RERG: variants seen among roughly 807,000 people sequenced by gnomAD.
RERG encodes ras-related and estrogen-regulated growth inhibitor.
In RERG, 25 loss-of-function variants were observed where a neutral mutation model predicts 23.2. That is an observed-to-expected ratio of 1.08 (90% CI 0.79 to 1.50). The LOEUF (loss-of-function observed/expected upper bound fraction) is 1.50. Among genes scored for constraint, RERG ranks in the 40% most tolerant of loss-of-function variants. The pLI is 0.00. For missense variants in RERG, 253 were observed against 250.1 expected (o/e 1.01, Z -0.08); for synonymous variants, 81 against 89.1 (o/e 0.91, Z 0.51).
rs765946906 is a variant in RERG, at chr12:15,133,146, G to GAGAT, written c.62-12028_62-12027insATCT. ...CTCTTGGGGTTGTATATCCTGTGGA[G>GAGAT]ATATATATATATATATATATATATA... On this transcript the variant is annotated intron_variant, in intron 2 of 4. Coordinates refer to ENST00000256953, the MANE Select transcript of RERG (RefSeq NM_032918.3). 8.0e-5 allele frequency among the ~76,000 whole-genome samples: 10 copies of GAGAT among 125,218 alleles called. No homozygotes were observed. The East Asian group carries it at 9.3e-4, about 12-fold the overall frequency. The allele number at this position is 125,218 out of a possible 152,430, so 82.1% of individuals were successfully genotyped here.
chr12:15,199,216 G>A (rs1356227063), intron 2 of RERG, among the ~76,000 whole-genome samples: 1 of 152,134 alleles, frequency 6.6e-6, no homozygotes, highest in Non-Finnish European at 1.5e-5. Context: ...AGGCATGGGT[G>A]AAGCTCAAAT....
At chr12:15,161,756 T>A (rs956726375) in intron 2 of RERG, among the ~76,000 whole-genome samples, 2 of 152,154 alleles carry the variant, frequency 1.3e-5, no homozygotes, top group Non-Finnish European at 2.9e-5. Flanking sequence ...AAGGAATCAA[T>A]ACTACCAATA....
At chr12:15,116,220 A>C (rs948205716) in intron 3 of RERG, among the ~76,000 whole-genome samples, 4 of 152,228 alleles carry the variant, frequency 2.6e-5, no homozygotes, top group African/African-American at 9.6e-5. Flanking sequence ...TGCATCACGC[A>C]TGCTGGGGAG....
intron 3 of RERG, among the ~76,000 whole-genome samples, chr12:15,118,662 A>G (rs765293142): frequency 2.0e-5 from 3 of 151,906 alleles, no homozygotes; most frequent in African/African-American, 4.8e-5. Flanking sequence ...TGTCATCACA[A>G]TAGTGAGTTC....
At chr12:15,147,327 A>G (rs1864352264) in intron 2 of RERG, among the ~76,000 whole-genome samples, 1 of 152,216 alleles carries the variant, frequency 6.6e-6, no homozygotes, top group South Asian at 2.1e-4. Context: ...ATTTGCTTTC[A>G]GCAAAAAAAC....
At chr12:15,152,710 T>C (rs1037764067) in intron 2 of RERG, among the ~76,000 whole-genome samples, 1 of 152,140 alleles carries the variant, frequency 6.6e-6, no homozygotes, top group African/African-American at 2.4e-5. Flanking sequence ...TCTGAAGAAA[T>C]GTATTTTTAA....
Position 15,214,990 on chromosome 12 carries a change from T to G in RERG, c.61+2439A>C, listed in dbSNP as rs184162003. ...AGTTACAGGTCTCAGAAAAATAATT[T>G]AATGTTGACATAGGAAAACACTGTC... On this transcript the variant is annotated intron_variant, in intron 2 of 4. Transcript: ENST00000256953. 5.7e-4 allele frequency among the ~76,000 whole-genome samples: 87 copies of G among 152,346 alleles called. 1 individual carries two copies. In the East Asian group the frequency reaches 0.014, roughly 25 times the overall value.
At chr12:15,152,051 G>T (rs528013440) in intron 2 of RERG, 1 of 152,238 alleles carries the variant, frequency 6.6e-6, no homozygotes, top group South Asian at 2.1e-4. Flanking sequence ...AAATAACCCA[G>T]GAACTATAAA....
chr12:15,112,229 T>C (rs781603245), intron 3 of RERG: 4 of 152,214 alleles, frequency 2.6e-5, no homozygotes, highest in Non-Finnish European at 5.9e-5. Context: ...AGGAAGTGAA[T>C]GGTTCTTGCC....
At chr12:15,149,799 A>G (rs1032828973) in intron 2 of RERG, among the ~76,000 whole-genome samples, 2 of 152,234 alleles carry the variant, frequency 1.3e-5, no homozygotes, top group Admixed American at 6.5e-5. Context: ...GGTAGAAAAT[A>G]AAATACTTTA....
chr12:15,110,463 CTTTTTT>C (rs869218147), intron 4 of RERG, among the ~76,000 whole-genome samples: 19 of 73,148 alleles, frequency 2.6e-4, no homozygotes, highest in Non-Finnish European at 3.4e-4. Context: ...CCATTTTTTT[CTTTTTT>C]TTTTTTTTTT....
chr12:15,117,288 A>T (rs1026449688), intron 3 of RERG, among the ~76,000 whole-genome samples: 8 of 152,108 alleles, frequency 5.3e-5, no homozygotes, highest in Non-Finnish European at 8.8e-5. Context: ...CTGGACATGT[A>T]ATTTTGATTA....
intron 2 of RERG, among the ~76,000 whole-genome samples, chr12:15,161,092 G>A (rs549674327): frequency 6.7e-6 from 1 of 149,920 alleles, no homozygotes; most frequent in African/African-American, 2.5e-5. Flanking sequence ...CTGAGATCAC[G>A]CCATTGCACT....
chr12:15,148,847 G>GTTTTTTTT (rs56033971), intron 2 of RERG, among the ~76,000 whole-genome samples: 5 of 45,530 alleles, frequency 1.1e-4, no homozygotes, highest in Non-Finnish European at 1.5e-4. Flanking sequence ...CTTTAACTCT[G>GTTTTTTTT]TTTTTTTTTT....
chr12:15,218,494 T>A (rs1040152549), intron 1 of RERG, among the ~76,000 whole-genome samples: 1 of 152,096 alleles, frequency 6.6e-6, no homozygotes, highest in Non-Finnish European at 1.5e-5. Context: ...ATAACAATCA[T>A]TCCATATTCC....
chr12:15,210,820 G>A (rs1440639195), intron 2 of RERG, among the ~76,000 whole-genome samples: 2 of 152,096 alleles, frequency 1.3e-5, no homozygotes, highest in Admixed American at 1.3e-4. Context: ...GTCTTTGCAG[G>A]TAAAGGAAGA....
chr12:15,191,161 C>G (rs1591664422), intron 2 of RERG, among the ~76,000 whole-genome samples: 1 of 152,270 alleles, frequency 6.6e-6, no homozygotes, highest in East Asian at 1.9e-4. Context: ...GTCACACCCA[C>G]ACAAGGATCA....
At position 15,194,473 on chromosome 12, in the gene RERG, A is replaced by T. The variant is rs1391663233; in HGVS notation, c.61+22956T>A. Among the ~76,000 whole-genome samples the T allele has an allele frequency of 5.4e-5, 8 of 148,238 alleles. No individual in the cohort carries two copies. The East Asian group carries it at 1.4e-3, about 26-fold the overall frequency. On this transcript the variant is annotated intron_variant, in intron 2 of 4. Transcript: ENST00000256953. ...TATTAGACTGAATGTTTTTAACTTA[A>T]AAAACAAAGAAGAGGAAGAAGGAGC...
chr12:15,122,754 TAA>T (rs1863855324), intron 2 of RERG, among the ~76,000 whole-genome samples: 1 of 152,044 alleles, frequency 6.6e-6, no homozygotes, highest in African/African-American at 2.4e-5. Context: ...TTGCACGATT[TAA>T]AGAGTTCCAT....
Sources: gnomAD v4.1 joint callset for allele counts (sites outside exome capture counted in the v4.1 genomes callset) on GRCh38, gnomAD v4.1.1 for gene constraint, MANE v1.5 for transcripts, NCBI Gene and HGNC (gene_info 2026-07-23, HGNC 2026-07-21) for gene names.